The following JADE3 variants were observed in gnomAD, a reference collection of about 807,000 sequenced individuals.
The protein encoded by JADE3 is jade family PHD finger 3.
A neutral mutation model predicts 50.1 loss-of-function variants in JADE3; 2 were observed. The ratio of observed to expected loss-of-function variants is 0.04; its 90% CI spans 0.02 to 0.13. JADE3 has a LOEUF of 0.13. Among genes scored for constraint, JADE3 ranks in the 10% least tolerant of loss-of-function variants. The pLI is 1.00. For missense variants in JADE3, 475 were observed against 634.4 expected, an observed-to-expected ratio of 0.75 and a Z score of 2.70; for synonymous variants, 218 against 232.9, an observed-to-expected ratio of 0.94 and a Z score of 0.58.
At chrX:47,032,357 C>G (rs1238612599) in intron 6 of JADE3, among the ~76,000 whole-genome samples, 3 of 111,585 alleles carry the variant, frequency 2.7e-5, no homozygotes, top group Non-Finnish European at 5.6e-5. Flanking sequence ...GAAAACCATT[C>G]TTAGCTTGTT....
chrX:46,974,645 C>G (rs1927572725), intron 1 of JADE3, among the ~76,000 whole-genome samples: 1 of 112,252 alleles, frequency 8.9e-6, no homozygotes, highest in Admixed American at 9.4e-5. Context: ...CCTTCTTGAA[C>G]TTGTTTACAT....
intron 5 of JADE3, among the ~76,000 whole-genome samples, chrX:47,026,394 C>T (rs922525932): frequency 1.8e-5 from 2 of 111,673 alleles, no homozygotes; most frequent in African/African-American, 6.5e-5. Context: ...TTCAGTTCCC[C>T]TAATGTTAAC....
At chrX:46,941,943 T>C (rs1439002557) in intron 1 of JADE3, among the ~76,000 whole-genome samples, 2 of 104,587 alleles carry the variant, frequency 1.9e-5, no homozygotes, top group African/African-American at 3.5e-5. Flanking sequence ...GGTTTCACCA[T>C]GTTGCCCAGG....
intron 4 of JADE3, among the ~76,000 whole-genome samples, chrX:47,003,088 AAT>A (rs1928323749): frequency 9.0e-6 from 1 of 111,594 alleles, no homozygotes; most frequent in Non-Finnish European, 1.9e-5. Flanking sequence ...TCAGCCTGTT[AAT>A]GTTATAGATT....
chrX:47,027,086 G>A (rs1183377204), intron 5 of JADE3, among the ~76,000 whole-genome samples: 2 of 112,025 alleles, frequency 1.8e-5, no homozygotes, highest in Non-Finnish European at 3.8e-5. Context: ...TGGAATACTT[G>A]GGTACATTTG....
intron 4 of JADE3, among the ~76,000 whole-genome samples, chrX:47,003,646 T>TA (rs1556359670): frequency 1.4e-4 from 14 of 100,629 alleles, no homozygotes; most frequent in African/African-American, 5.0e-4. Flanking sequence ...TAGATATAAA[T>TA]TTATATATAT....
At chrX:46,983,791 TG>T (rs1324336822) in intron 1 of JADE3, among the ~76,000 whole-genome samples, 2 of 111,780 alleles carry the variant, frequency 1.8e-5, no homozygotes, top group Admixed American at 1.9e-4. Flanking sequence ...TTTAAATGGT[TG>T]GTTTTTTTTT....
chrX:47,060,242 G>GC lies in JADE3; in HGVS notation c.*1165_*1166insC, dbSNP rs1199991021. The stretch of plus-strand genomic sequence containing the variant: ...GAAGAGAATAATTACATTTGCGGGG[G>GC]GGGGGGTGGATAAAAACATGTCTGC... On this transcript the variant is annotated 3_prime_UTR_variant, in exon 11 of 11. Coordinates refer to ENST00000614628, the MANE Select transcript of JADE3 (RefSeq NM_014735.5). 9.8e-6 allele frequency: 1 copy of GC among 102,532 alleles called. No homozygotes were observed. Among genetic ancestry groups the GC allele is most frequent in the Non-Finnish European group, 2.0e-5 (1 of 50,069 alleles). The allele number at this position is 102,532 out of a possible 1,213,427, so 8.4% of individuals were successfully genotyped here.
rs1426929020 is a variant in JADE3, at chrX:47,059,481, C to G, written c.*404C>G. ...TTTTGAAGCTACAGCATGTGACTCC[C>G]CAGAGCTCCTGTCTGTAGGAAGTTT... is the stretch of plus-strand genomic sequence containing the variant. On this transcript the variant is annotated 3_prime_UTR_variant, in exon 11 of 11. Transcript: ENST00000614628. 8.3e-6 allele frequency: 1 copy of G among 120,439 alleles called. No homozygotes were observed. The highest frequency in any genetic ancestry group is 2.6e-4 in the East Asian group (1 of 3,827). The allele number at this position is 120,439 out of a possible 1,213,427, so 9.9% of individuals were successfully genotyped here. A position where few individuals can be genotyped will look rare whatever the true frequency, so the allele number is the denominator to read the frequency against.
At chrX:46,920,903 G>C (rs1191999060) in intron 1 of JADE3, among the ~76,000 whole-genome samples, 1 of 111,452 alleles carries the variant, frequency 9.0e-6, no homozygotes, top group Non-Finnish European at 1.9e-5. Context: ...GAGTACTCTG[G>C]CTTTTTAAAA....
chrX:46,946,439 A>G (rs1486194233), intron 1 of JADE3, among the ~76,000 whole-genome samples: 2 of 111,747 alleles, frequency 1.8e-5, no homozygotes, highest in East Asian at 2.8e-4. Context: ...GAATCAGTCC[A>G]TGGGTTCAGA....
intron 6 of JADE3, among the ~76,000 whole-genome samples, chrX:47,031,046 T>C (rs1164724426): frequency 9.5e-6 from 1 of 105,572 alleles, no homozygotes; most frequent in Non-Finnish European, 1.9e-5. Flanking sequence ...TGAGACTCCA[T>C]CTCAAAAAAA....
At chrX:46,931,376 AAACTTT>A (rs1310976619) in intron 1 of JADE3, among the ~76,000 whole-genome samples, 1 of 112,151 alleles carries the variant, frequency 8.9e-6, no homozygotes, top group Admixed American at 9.4e-5. Flanking sequence ...ACATTTGTCA[AAACTTT>A]AACTGTACGT....
At position 46,917,867 on chromosome X, in the gene JADE3, C is replaced by CA. The variant is rs781870185; in HGVS notation, c.-12+5148_-12+5149insA. On this transcript the variant is annotated intron_variant, in intron 1 of 10. Transcript: ENST00000614628. ...TCTCTCTCTCTCTCATCCTCTCTCTCTCTCTCTCTCTCTCTCTCATCCTCT... is the reference window on the plus strand; with the variant it reads ...TCTCTCTCTCTCTCATCCTCTCTCTCATCTCTCTCTCTCTCTCTCATCCTCT... Among the ~76,000 whole-genome samples, 23 of 102,675 alleles carry CA rather than the reference C, an allele frequency of 2.2e-4. No individual in the cohort carries two copies. In the East Asian group the frequency reaches 4.6e-3, roughly 21 times the overall value. The allele number at this position is 102,675 out of a possible 115,157, so 89.2% of individuals were successfully genotyped here.
At chrX:47,057,258 A>G (rs1192646542) in intron 10 of JADE3, among the ~76,000 whole-genome samples, 2 of 111,388 alleles carry the variant, frequency 1.8e-5, no homozygotes, top group Non-Finnish European at 3.8e-5. Flanking sequence ...TGGGGAACAA[A>G]TGCTGCCCAC....
At chrX:46,951,062 T>C (rs1386803703) in intron 1 of JADE3, among the ~76,000 whole-genome samples, 3 of 109,087 alleles carry the variant, frequency 2.8e-5, no homozygotes, top group Non-Finnish European at 5.7e-5. Context: ...TTAAACTTTT[T>C]TTTATTTTTA....
At chrX:47,042,004 T>A (rs1463109179) in intron 8 of JADE3, among the ~76,000 whole-genome samples, 5 of 110,663 alleles carry the variant, frequency 4.5e-5, no homozygotes, top group African/African-American at 1.6e-4. Context: ...TTCTTTTTTT[T>A]TTAAAGAGAG....
intron 1 of JADE3, among the ~76,000 whole-genome samples, chrX:46,925,383 A>G (rs1207509605): frequency 1.8e-5 from 2 of 112,739 alleles, no homozygotes; most frequent in African/African-American, 3.2e-5. Flanking sequence ...AGAGATGACT[A>G]TTATCATTCA....
rs547754694 is a variant in JADE3 at position 46,991,127 on chromosome X, C to G, written c.126+5335C>G. On this transcript the variant is annotated intron_variant, in intron 3 of 10. Transcript: ENST00000614628. Reference sequence around the variant, plus strand: ...TTGGCAGAGTTTCACTCTTGTTGCCCAGGCTGGAGTGCAATGGCGCAATCT... The same window carrying G: ...TTGGCAGAGTTTCACTCTTGTTGCCGAGGCTGGAGTGCAATGGCGCAATCT... Among the ~76,000 whole-genome samples, 61 of 89,754 alleles carry G rather than the reference C, an allele frequency of 6.8e-4. 1 individual carries two copies. In the South Asian group the frequency reaches 0.043, roughly 64 times the overall value. The allele number at this position is 89,754 out of a possible 115,157, so 77.9% of individuals were successfully genotyped here.
Sources: allele counts gnomAD v4.1 joint callset (sites outside exome capture counted in the v4.1 genomes callset), GRCh38; gene constraint gnomAD v4.1.1; transcripts MANE v1.5; gene names NCBI Gene and HGNC (gene_info 2026-07-23, HGNC 2026-07-21).